FURIN: variants seen among roughly 807,000 people sequenced by gnomAD.
FURIN encodes FES upstream region.
Under a neutral mutation model 89.2 loss-of-function variants are expected in FURIN, and 18 were observed. That is an observed-to-expected ratio of 0.20 (90% CI 0.14 to 0.30). The LOEUF (loss-of-function observed/expected upper bound fraction) is 0.30. FURIN is among the 10% of genes least tolerant of loss of function. The probability of loss-of-function intolerance (pLI) is 1.00; values close to 1 mark genes in which losing one functional copy is unlikely to be tolerated. For missense variants in FURIN, 879 were observed against 1,100.5 expected (o/e 0.80, Z 2.85); for synonymous variants, 508 against 466.4 (o/e 1.09, Z -1.15).
chr15:90,875,737 C>A lies in FURIN; in HGVS notation c.-4C>A. The A allele has an allele frequency of 6.5e-7, 1 of 1,536,952 alleles. No individual in the cohort carries two copies. Among genetic ancestry groups the A allele is most frequent in the Non-Finnish European group, 8.8e-7 (1 of 1,138,504 alleles). Reference sequence around the variant, plus strand: ...CTCCAGGGTCCCAGCCACCTGTCCCCCCCATGGAGCTGAGGCCCTGGTTGC... The same window carrying A: ...CTCCAGGGTCCCAGCCACCTGTCCCACCCATGGAGCTGAGGCCCTGGTTGC... On this transcript the variant is annotated 5_prime_UTR_variant, in exon 2 of 16. Coordinates refer to ENST00000268171, the MANE Select transcript of FURIN (RefSeq NM_002569.4).
At chr15:90,874,847 G>T (rs1042436876) in intron 1 of FURIN, among the ~76,000 whole-genome samples, 1 of 151,972 alleles carries the variant, frequency 6.6e-6, no homozygotes, top group Non-Finnish European at 1.5e-5. Context: ...TCCAGATTTC[G>T]CTTTAGTTTG....
rs767093656 is a variant in FURIN, at chr15:90,881,416, C to T, written c.1923C>T (p.Cys641=). 17 of 1,612,492 alleles carry T rather than the reference C, an allele frequency of 1.1e-5. No homozygotes were observed. In the East Asian group the frequency reaches 1.1e-4, roughly 11 times the overall value. ...NDVETIRASV[C]APCHASCATC... is the part of the protein sequence containing the mutation. ...TGGAGACCATCCGGGCCAGCGTCTG[C>T]GCCCCCTGCCACGCCTCATGTGCCA... The change falls in exon 16 of 16, where the codon TGC becomes TGT. Residue 641 remains cysteine, a synonymous_variant. Coordinates refer to ENST00000268171, the MANE Select transcript of FURIN (RefSeq NM_002569.4). This position sits in a 1 kb window ranked among gnomAD's most constrained non-coding sequence, Gnocchi z 4.3.
chr15:90,881,131 C>A lies in FURIN; in HGVS notation c.1792+91C>A. ...AAGCCCAGCTCTAACAGAAAAAAGTCTCAAGAGACCTAGGGCCCCTGGGGC... is the reference window on the plus strand; with the variant it reads ...AAGCCCAGCTCTAACAGAAAAAAGTATCAAGAGACCTAGGGCCCCTGGGGC... On this transcript the variant is annotated intron_variant, in intron 15 of 15. Transcript: ENST00000268171. The surrounding 1 kb of genome is among the most constrained non-coding windows in gnomAD (Gnocchi z 4.3). 2.6e-6 allele frequency: 3 copies of A among 1,157,178 alleles called. No homozygotes were observed. The highest frequency in any genetic ancestry group is 1.3e-5 in the South Asian group (1 of 78,562). 71.7% of individuals were successfully genotyped at this position (1,157,178 alleles called of 1,614,324 possible).
intron 1 of FURIN, among the ~76,000 whole-genome samples, chr15:90,874,630 G>C (rs1228670230): frequency 6.6e-6 from 1 of 152,196 alleles, no homozygotes; most frequent in African/African-American, 2.4e-5. Flanking sequence ...CCCTATGGCT[G>C]AATCTGCTTT....
chr15:90,881,619 T>A lies in FURIN; in HGVS notation c.2126T>A (p.Leu709Gln). The A allele has an allele frequency of 6.2e-7, 1 of 1,600,502 alleles. No homozygotes were observed. ...GGGCAACGGCTGCGGGCAGGGCTGC[T>A]GCCCTCACACCTGCCTGAGGTGGTG... ...EAGQRLRAGL[L>Q]PSHLPEVVAG... The change falls in exon 16 of 16, where the codon CTG (leucine) becomes CAG (glutamine). Residue 709 changes from leucine (L) to glutamine (Q), a missense_variant. By Grantham distance (113) the Leu-to-Gln change is moderately radical. Around this residue, in one of 5 missense-constraint regions of FURIN, gnomAD observed 457 missense variants for 490.7 expected, o/e 0.93. Transcript: ENST00000268171. This position sits in a 1 kb window ranked among gnomAD's most constrained non-coding sequence, Gnocchi z 4.3.
intron 6 of FURIN, 150 bp from the exon 7 acceptor site, chr15:90,877,377 A>G (rs2031689231): frequency 1.2e-6 from 1 of 865,724 alleles, no homozygotes. Context: ...GGAGATGGCC[A>G]CAGGCCCAGT....
In FURIN at chr15:90,882,875, C is replaced by CT. The variant is rs1456685188; in HGVS notation, c.*998dup. 7.2e-5 allele frequency: 11 copies of CT among 152,724 alleles called. No homozygotes were observed. The highest frequency in any genetic ancestry group is 2.4e-4 in the African/African-American group (10 of 41,458). 9.5% of individuals were successfully genotyped at this position (152,724 alleles called of 1,614,324 possible). A position where few individuals can be genotyped will look rare whatever the true frequency, so the allele number is the denominator to read the frequency against. ...TCCGCCCTGCTCCTCCCTGGCTGCCCTGGCCCTGAGGTGTGGGGGCTGCAG... is the reference window on the plus strand; with the variant it reads ...TCCGCCCTGCTCCTCCCTGGCTGCCCTTGGCCCTGAGGTGTGGGGGCTGCAG... On this transcript the variant is annotated 3_prime_UTR_variant, in exon 16 of 16. Coordinates refer to ENST00000268171, the MANE Select transcript of FURIN (RefSeq NM_002569.4).
Position 90,882,119 on chromosome 15 carries a change from A to G in FURIN, c.*241A>G, listed in dbSNP as rs965924809. ...CCTTCCATGTGGAGAAAGGAGTGAA[A>G]CCTTTAGGGCAGCTTGCCCCGGCCC... On this transcript the variant is annotated 3_prime_UTR_variant, in exon 16 of 16. Coordinates refer to ENST00000268171, the MANE Select transcript of FURIN (RefSeq NM_002569.4). The G allele has an allele frequency of 1.7e-5, 9 of 519,746 alleles. No homozygotes were observed. The highest frequency in any genetic ancestry group is 1.4e-4 in the African/African-American group (7 of 50,122). The allele number at this position is 519,746 out of a possible 1,614,324, so 32.2% of individuals were successfully genotyped here. A position where few individuals can be genotyped will look rare whatever the true frequency, so the allele number is the denominator to read the frequency against.
chr15:90,879,823 C>G, intron 11 of FURIN, 44 bp from the exon 12 acceptor site: 1 of 1,605,158 alleles, frequency 6.2e-7, no homozygotes, highest in Non-Finnish European at 8.5e-7. Context: ...AGGTAGAAGG[C>G]ACTCTGTGCC....
At position 90,875,603 on chromosome 15, in the gene FURIN, C is replaced by G. The variant is rs749778191; in HGVS notation, c.-138C>G. 23 of 695,470 alleles carry G rather than the reference C, an allele frequency of 3.3e-5. No homozygotes were observed. Among genetic ancestry groups the G allele is most frequent in the Non-Finnish European group, 4.9e-5 (21 of 428,390 alleles). 43.1% of individuals were successfully genotyped at this position (695,470 alleles called of 1,614,324 possible). The stretch of plus-strand genomic sequence containing the variant: ...TCAGGGTCGGCACTCTTCACCCTCC[C>G]GAGCCCTGCCCGTCTCGGCCCCATG... On this transcript the variant is annotated 5_prime_UTR_variant, in exon 2 of 16. Coordinates refer to ENST00000268171, the MANE Select transcript of FURIN (RefSeq NM_002569.4).
At chr15:90,870,221 C>CA (rs1251064550) in intron 1 of FURIN, among the ~76,000 whole-genome samples, 2 of 152,054 alleles carry the variant, frequency 1.3e-5, no homozygotes, top group African/African-American at 4.8e-5. Flanking sequence ...GGTGTCCCAG[C>CA]AAAAAATAGT....
rs1302464754 is a variant in FURIN, at chr15:90,881,749, G to A, written c.2256G>A (p.Met752Ile). The A allele has an allele frequency of 6.2e-7, 1 of 1,610,832 alleles. No homozygotes were observed. Among genetic ancestry groups the A allele is most frequent in the Admixed American group, 1.7e-5 (1 of 59,498 alleles). The change falls in exon 16 of 16, where the codon ATG becomes ATA. Residue 752 changes from methionine (M) to isoleucine (I), a missense_variant. This residue lies in a region of FURIN where 457 missense variants were observed against 490.7 expected (regional missense o/e 0.93). Coordinates refer to ENST00000268171, the MANE Select transcript of FURIN (RefSeq NM_002569.4). This position sits in a 1 kb window ranked among gnomAD's most constrained non-coding sequence, Gnocchi z 4.3. ...TTCGGGGGGTGAAGGTGTACACCATGGACCGTGGCCTCATCTCCTACAAGG... is the reference window on the plus strand; with the variant it reads ...TTCGGGGGGTGAAGGTGTACACCATAGACCGTGGCCTCATCTCCTACAAGG... ...FSFRGVKVYT[M>I]DRGLISYKGL...
intron 1 of FURIN, among the ~76,000 whole-genome samples, chr15:90,870,617 C>T (rs1217572830): frequency 1.3e-5 from 2 of 152,186 alleles, no homozygotes; most frequent in Non-Finnish European, 2.9e-5. Context: ...AGCTCCTGGC[C>T]ACATTTTCCT....
At chr15:90,879,601 G>C (rs986829391) in intron 10 of FURIN, 57 bp downstream of exon 10, 4 of 1,558,276 alleles carry the variant, frequency 2.6e-6, no homozygotes, top group Admixed American at 3.3e-5. Context: ...CTGTAGGGCA[G>C]CCCTTAGGGC....
At chr15:90,870,675 A>G (rs1231812015) in intron 1 of FURIN, among the ~76,000 whole-genome samples, 2 of 152,194 alleles carry the variant, frequency 1.3e-5, no homozygotes, top group African/African-American at 2.4e-5. Context: ...CAAGTAGCAC[A>G]AACGTTTTCT....
At chr15:90,879,253 C>T (rs1327053448) in intron 9 of FURIN, among the ~76,000 whole-genome samples, 191 bp from the exon 10 acceptor site, 1 of 152,202 alleles carries the variant, frequency 6.6e-6, no homozygotes, top group African/African-American at 2.4e-5. Flanking sequence ...GAAAATGAGG[C>T]CCAGGAGGGG....
In FURIN at chr15:90,877,228, C is replaced by T; in HGVS notation, c.578+17C>T. ...TGACAACAGGTAAGAAGTGGCAGGC[C>T]CCGGTCTCTGCCTCCCTTCTCCTTT... On this transcript the variant is annotated intron_variant, in intron 6 of 15. Coordinates refer to ENST00000268171, the MANE Select transcript of FURIN (RefSeq NM_002569.4). The T allele has an allele frequency of 1.9e-6, 3 of 1,573,056 alleles. No homozygotes were observed. The highest frequency in any genetic ancestry group is 2.6e-6 in the Non-Finnish European group (3 of 1,154,164).
In FURIN at chr15:90,882,891, G is replaced by A. The variant is rs2032082676; in HGVS notation, c.*1013G>A. On this transcript the variant is annotated 3_prime_UTR_variant, in exon 16 of 16. Coordinates refer to ENST00000268171, the MANE Select transcript of FURIN (RefSeq NM_002569.4). Reference sequence around the variant, plus strand: ...CTGGCTGCCCTGGCCCTGAGGTGTGGGGGCTGCAGCATGTTGCTGAGGAGT... The same window carrying A: ...CTGGCTGCCCTGGCCCTGAGGTGTGAGGGCTGCAGCATGTTGCTGAGGAGT... 1 of 152,614 alleles carries A rather than the reference G, an allele frequency of 6.6e-6. No individual in the cohort carries two copies. The highest frequency in any genetic ancestry group is 6.5e-5 in the Admixed American group (1 of 15,286). The allele number at this position is 152,614 out of a possible 1,614,324, so 9.5% of individuals were successfully genotyped here. A position where few individuals can be genotyped will look rare whatever the true frequency, so the allele number is the denominator to read the frequency against.
At chr15:90,874,526 C>T (rs1567081989) in intron 1 of FURIN, among the ~76,000 whole-genome samples, 1 of 152,240 alleles carries the variant, frequency 6.6e-6, no homozygotes, top group Non-Finnish European at 1.5e-5. Context: ...TGATCTCCAC[C>T]CCCGCACCCC....
Sources: allele counts gnomAD v4.1 joint callset (sites outside exome capture counted in the v4.1 genomes callset), GRCh38; gene constraint gnomAD v4.1.1; regional missense constraint gnomAD v4.1.1; non-coding constraint Gnocchi (gnomAD v3.1); transcripts MANE v1.5; gene names NCBI Gene and HGNC (gene_info 2026-07-23, HGNC 2026-07-21).